Variants in MAPK4 observed in about 807,000 individuals in gnomAD.
MAPK4 encodes the protein Erk3-related.
A neutral mutation model predicts 47.7 loss-of-function variants in MAPK4; 22 were observed. The observed-to-expected ratio is 0.46, with a 90% CI of 0.33 to 0.66. The LOEUF (loss-of-function observed/expected upper bound fraction) is 0.66. Among genes scored for constraint, MAPK4 ranks in the 30% least tolerant of loss-of-function variants. MAPK4 has a pLI of 0.02. For missense variants in MAPK4, 736 were observed against 831.7 expected (o/e 0.88, Z 1.42); for synonymous variants, 390 against 365.7 (o/e 1.07, Z -0.76).
At chr18:50,689,609 G>A (rs534405270) in intron 2 of MAPK4, among the ~76,000 whole-genome samples, 2 of 151,264 alleles carry the variant, frequency 1.3e-5, no homozygotes, top group South Asian at 2.1e-4. Context: ...TTAAAAATGA[G>A]GTTGTCCAGC....
At chr18:50,608,960 G>A (rs9956225) in intron 1 of MAPK4, among the ~76,000 whole-genome samples, 147,094 of 151,866 alleles carry the variant, frequency 0.97, 71,394 homozygotes, top group East Asian at 1. Context: ...TCTGTTTAAC[G>A]AAGCACATCT....
At chr18:50,632,977 T>TATTA (rs2042846293) in intron 1 of MAPK4, among the ~76,000 whole-genome samples, 1 of 152,126 alleles carries the variant, frequency 6.6e-6, no homozygotes, top group Admixed American at 6.5e-5. Flanking sequence ...AACACAATGC[T>TATTA]ATTTTGTTTT....
At chr18:50,711,405 C>T (rs1003313259) in intron 2 of MAPK4, among the ~76,000 whole-genome samples, 9 of 152,252 alleles carry the variant, frequency 5.9e-5, no homozygotes, top group African/African-American at 1.7e-4. Context: ...AGGAAATAGA[C>T]GATTAGGAAG....
intron 1 of MAPK4, among the ~76,000 whole-genome samples, chr18:50,661,211 T>G (rs2043168272): frequency 6.6e-6 from 1 of 152,140 alleles, no homozygotes; most frequent in South Asian, 2.1e-4. Context: ...AGACCAGGCT[T>G]GTGGGGAGAA....
At chr18:50,647,246 C>T (rs894503863) in intron 1 of MAPK4, among the ~76,000 whole-genome samples, 2 of 152,214 alleles carry the variant, frequency 1.3e-5, no homozygotes, top group Non-Finnish European at 2.9e-5. Context: ...TCTGTGGCAG[C>T]TGAGGCTTCC....
chr18:50,729,651 TCGCCCCCC>T lies in MAPK4; in HGVS notation c.1562_1569del (p.Ser521TrpfsTer37). 6.6e-7 allele frequency: 1 copy of T among 1,511,282 alleles called. No homozygotes were observed. Among genetic ancestry groups the T allele is most frequent in the South Asian group, 1.3e-5 (1 of 78,484 alleles). The allele number at this position is 1,511,282 out of a possible 1,614,324, so 93.6% of individuals were successfully genotyped here. On this transcript the variant is annotated frameshift_variant, in exon 6 of 6. Coordinates refer to ENST00000400384, the MANE Select transcript of MAPK4 (RefSeq NM_002747.4). LOFTEE classifies it high-confidence loss of function. ...CGACCCCGAGCGCCGCTTGTCTGCCTCGCCCCCCGGCCGCCCGGCCCCGGTGGACGGCG... is the reference window on the plus strand; with the variant it reads ...CGACCCCGAGCGCCGCTTGTCTGCCTGGCCGCCCGGCCCCGGTGGACGGCG...
At chr18:50,605,966 A>G (rs894009203) in intron 1 of MAPK4, among the ~76,000 whole-genome samples, 1 of 147,912 alleles carries the variant, frequency 6.8e-6, no homozygotes, top group Non-Finnish European at 1.5e-5. Flanking sequence ...CTTGGTCCAC[A>G]TGCTTTGGCA....
intron 1 of MAPK4, among the ~76,000 whole-genome samples, chr18:50,609,755 G>A (rs1306374699): frequency 2.6e-5 from 4 of 152,170 alleles, no homozygotes; most frequent in Non-Finnish European, 4.4e-5. Flanking sequence ...ATGGTGGAGG[G>A]AGGATTTGAA....
intron 1 of MAPK4, among the ~76,000 whole-genome samples, chr18:50,579,677 A>G (rs2042326879): frequency 2.6e-5 from 4 of 152,078 alleles, no homozygotes; most frequent in Non-Finnish European, 5.9e-5. Context: ...TTCCCCTTCA[A>G]TTTGGGGGCT....
rs55784156 is a variant in MAPK4, at chr18:50,726,164, G to A, written c.1056G>A (p.Thr352=). 6.6e-5 allele frequency: 107 copies of A among 1,613,908 alleles called. No individual in the cohort carries two copies. The highest frequency in any genetic ancestry group is 3.8e-4 in the East Asian group (17 of 44,884). The change falls in exon 5 of 6, where the codon ACG becomes ACA. Residue 352 remains threonine (T), a synonymous_variant. Transcript: ENST00000400384. Reference sequence around the variant, plus strand: ...AGAGCCAGCTGTCCAACTGGGACACGTGCAGTTCCAGGTGCTCGCAGCCCT... The same window carrying A: ...AGAGCCAGCTGTCCAACTGGGACACATGCAGTTCCAGGTGCTCGCAGCCCT... ...ANQSQLSNWD[T]CSSRYPVSLS... is the part of the protein sequence containing the mutation.
chr18:50,675,869 C>T (rs984259054), intron 2 of MAPK4, among the ~76,000 whole-genome samples: 46 of 152,202 alleles, frequency 3.0e-4, no homozygotes, highest in African/African-American at 9.9e-4. Flanking sequence ...TCAGGTGATC[C>T]GCCTGCCTCA....
At chr18:50,605,834 C>T (rs909086914) in intron 1 of MAPK4, among the ~76,000 whole-genome samples, 32 of 152,282 alleles carry the variant, frequency 2.1e-4, no homozygotes, top group African/African-American at 7.7e-4. Context: ...CAGCCTCTGT[C>T]CCATGTCTCA....
chr18:50,596,432 G>A (rs2042482544), intron 1 of MAPK4, among the ~76,000 whole-genome samples: 1 of 152,112 alleles, frequency 6.6e-6, no homozygotes, highest in African/African-American at 2.4e-5. Flanking sequence ...CTCCCCTAAG[G>A]AACATCATAC....
chr18:50,680,303 G>A (rs866176492), intron 2 of MAPK4, among the ~76,000 whole-genome samples: 8 of 151,876 alleles, frequency 5.3e-5, no homozygotes, highest in Non-Finnish European at 8.8e-5. Flanking sequence ...CATTGGCCAG[G>A]CTGGTCTTGA....
intron 2 of MAPK4, among the ~76,000 whole-genome samples, chr18:50,703,507 C>T (rs922977512): frequency 6.6e-6 from 1 of 152,180 alleles, no homozygotes; most frequent in South Asian, 2.1e-4. Context: ...GGCAGTGCGC[C>T]TCCATTCACA....
chr18:50,685,481 G>A (rs1267951271), intron 2 of MAPK4, among the ~76,000 whole-genome samples: 2 of 152,228 alleles, frequency 1.3e-5, no homozygotes, highest in African/African-American at 2.4e-5. Context: ...GGACACATCT[G>A]CTTTACCAAG....
intron 1 of MAPK4, among the ~76,000 whole-genome samples, chr18:50,575,513 T>C (rs2042287079): frequency 6.6e-6 from 1 of 151,836 alleles, no homozygotes; most frequent in East Asian, 1.9e-4. Flanking sequence ...TTTTCTGAAG[T>C]CACCCAAAGG....
intron 1 of MAPK4, among the ~76,000 whole-genome samples, chr18:50,564,890 G>C (rs1181535858): frequency 4.6e-5 from 7 of 152,214 alleles, no homozygotes; most frequent in Non-Finnish European, 1.0e-4. Context: ...TGATGCTTAT[G>C]TAATTTGATG....
chr18:50,655,426 C>G (rs963522258), intron 1 of MAPK4, among the ~76,000 whole-genome samples: 2 of 145,108 alleles, frequency 1.4e-5, no homozygotes, highest in Non-Finnish European at 2.9e-5. Flanking sequence ...GGGACTGTAG[C>G]CCAAGGTTGG....
Sources: allele counts gnomAD v4.1 joint callset (sites outside exome capture counted in the v4.1 genomes callset), GRCh38; gene constraint gnomAD v4.1.1; transcripts MANE v1.5; gene names NCBI Gene and HGNC (gene_info 2026-07-23, HGNC 2026-07-21).